Variants in UMAD1 observed in about 807,000 individuals in gnomAD.
UMAD1 encodes the protein UBAP1-MVB12-associated (UMA)-domain containing protein 1.
Under a neutral mutation model 6.1 loss-of-function variants are expected in UMAD1, and 8 were observed. The observed-to-expected ratio is 1.30, with a 90% confidence interval of 0.76 to 2.35. The LOEUF (loss-of-function observed/expected upper bound fraction) is 2.35, where lower values mean the gene tolerates loss of function less well. Among genes scored for constraint, UMAD1 ranks in the 30% most tolerant of loss-of-function variants. The probability of loss-of-function intolerance (pLI) is 0.00; values close to 1 mark genes in which losing one functional copy is unlikely to be tolerated. For synonymous variants in UMAD1, 56 were observed against 31.4 expected, an observed-to-expected ratio of 1.78 and a Z score of -2.61; for missense variants, 130 against 78.4, an observed-to-expected ratio of 1.66 and a Z score of -2.49.
intron 3 of UMAD1, among the ~76,000 whole-genome samples, chr7:7,863,472 A>G (rs1784151577): frequency 6.6e-6 from 1 of 152,208 alleles, no homozygotes; most frequent in South Asian, 2.1e-4. Context: ...GTTGTTTCGT[A>G]TAGTACTATG....
intron 2 of UMAD1, among the ~76,000 whole-genome samples, chr7:7,695,212 A>G (rs772672007): frequency 1.3e-5 from 2 of 152,160 alleles, no homozygotes; most frequent in Non-Finnish European, 2.9e-5. Context: ...GTTTCCAAGT[A>G]GAGAAAATCA....
chr7:7,783,438 G>A lies in UMAD1; in HGVS notation c.83-18232G>A, dbSNP rs1022142966. Among the ~76,000 whole-genome samples, 5 of 151,580 alleles carry A rather than the reference G, an allele frequency of 3.3e-5. 1 individual carries two copies. The South Asian group carries it at 8.3e-4, about 25-fold the overall frequency. ...TAAAAGAGAAATTCAGATGCTGCAC[G>A]GTTTGTGTCTTTGGGTGTTTGCTGA... On this transcript the variant is annotated intron_variant, in intron 2 of 3. Transcript: ENST00000682710.
At chr7:7,764,420 GCAATATGAAGTTATA>G (rs1485375502) in intron 2 of UMAD1, among the ~76,000 whole-genome samples, 1 of 152,146 alleles carries the variant, frequency 6.6e-6, no homozygotes, top group Non-Finnish European at 1.5e-5. Context: ...AAGTAGTAAG[GCAATATGAAGTTATA>G]CAGTGGATAT....
intron 2 of UMAD1, among the ~76,000 whole-genome samples, chr7:7,786,273 A>T (rs1782459203): frequency 6.6e-6 from 1 of 152,190 alleles, no homozygotes; most frequent in Admixed American, 6.5e-5. Context: ...CAATATCTAG[A>T]CATTTTTGAA....
At chr7:7,686,309 A>G (rs1489554790) in intron 2 of UMAD1, among the ~76,000 whole-genome samples, 3 of 152,166 alleles carry the variant, frequency 2.0e-5, no homozygotes, top group Admixed American at 6.5e-5. Flanking sequence ...GTCCAGAAAC[A>G]TGGTTTGTGG....
chr7:7,679,870 A>C (rs1264338098), intron 2 of UMAD1, among the ~76,000 whole-genome samples: 1 of 151,396 alleles, frequency 6.6e-6, no homozygotes, highest in Non-Finnish European at 1.5e-5. Flanking sequence ...TGGCCTGCCC[A>C]TTTTAAAATT....
intron 1 of UMAD1, among the ~76,000 whole-genome samples, chr7:7,651,067 A>G (rs533260227): frequency 3.3e-5 from 5 of 152,344 alleles, no homozygotes; most frequent in African/African-American, 9.6e-5. Context: ...GCCCAAAGCA[A>G]TACCAGAGCA....
intron 3 of UMAD1, among the ~76,000 whole-genome samples, chr7:7,822,109 C>T (rs1035409466): frequency 6.6e-6 from 1 of 152,018 alleles, no homozygotes; most frequent in African/African-American, 2.4e-5. Flanking sequence ...TAATAATCAG[C>T]CTCTCTTTTC....
intron 2 of UMAD1, among the ~76,000 whole-genome samples, chr7:7,693,488 TTC>T (rs1204952412): frequency 6.6e-6 from 1 of 152,146 alleles, no homozygotes; most frequent in East Asian, 1.9e-4. Flanking sequence ...TTATTTGGGT[TTC>T]TCTCTCATGT....
At chr7:7,773,432 A>G (rs114315984) in intron 2 of UMAD1, among the ~76,000 whole-genome samples, 2,718 of 152,338 alleles carry the variant, frequency 0.018, 71 homozygotes, top group African/African-American at 0.061. Flanking sequence ...TTAGGCTGTC[A>G]ATTTACTTTG....
Position 7,739,290 on chromosome 7 carries a change from A to G in UMAD1, c.83-62380A>G, listed in dbSNP as rs370787046. ...AATCATGCAGTCAATAATATAGCTC[A>G]CTGTCATTACCTTGCCTGGTCCCTG... On this transcript the variant is annotated intron_variant, in intron 2 of 3. Transcript: ENST00000682710. Among the ~76,000 whole-genome samples, 8 of 152,300 alleles carry G rather than the reference A, an allele frequency of 5.3e-5. No individual in the cohort carries two copies. The East Asian group carries it at 1.3e-3, about 26-fold the overall frequency.
intron 3 of UMAD1, among the ~76,000 whole-genome samples, chr7:7,863,251 A>T (rs1784147850): frequency 6.6e-6 from 1 of 152,240 alleles, no homozygotes; most frequent in Admixed American, 6.5e-5. Context: ...CTAACCTCTG[A>T]GCCTCAGAAG....
intron 2 of UMAD1, among the ~76,000 whole-genome samples, chr7:7,695,577 G>T (rs1314133116): frequency 6.6e-6 from 1 of 151,966 alleles, no homozygotes; most frequent in African/African-American, 2.4e-5. Flanking sequence ...CATGTTCTTT[G>T]GCACTAGCAG....
intron 2 of UMAD1, among the ~76,000 whole-genome samples, chr7:7,767,274 T>C (rs1351034252): frequency 1.3e-5 from 2 of 152,032 alleles, no homozygotes; most frequent in East Asian, 1.9e-4. Context: ...AACAGGCACC[T>C]GCCACCACAC....
intron 3 of UMAD1, among the ~76,000 whole-genome samples, chr7:7,809,205 G>A (rs182310919): frequency 1.3e-5 from 2 of 151,924 alleles, no homozygotes; most frequent in East Asian, 3.9e-4. Context: ...AGGATTTAAG[G>A]GACTTTGTTT....
intron 2 of UMAD1, among the ~76,000 whole-genome samples, chr7:7,786,622 T>C (rs1305492300): frequency 6.6e-6 from 1 of 152,166 alleles, no homozygotes; most frequent in Non-Finnish European, 1.5e-5. Context: ...AACTGTAGTC[T>C]TTACTGTTAT....
At chr7:7,672,158 T>G (rs1381829324) in intron 1 of UMAD1, among the ~76,000 whole-genome samples, 1 of 152,196 alleles carries the variant, frequency 6.6e-6, no homozygotes, top group Non-Finnish European at 1.5e-5. Context: ...ATATGAAAAC[T>G]AAAACTTGGA....
intron 3 of UMAD1, among the ~76,000 whole-genome samples, chr7:7,836,773 T>C (rs1398869243): frequency 6.6e-6 from 1 of 151,826 alleles, no homozygotes; most frequent in Non-Finnish European, 1.5e-5. Flanking sequence ...TTTTATAGGC[T>C]AGAAAACAGA....
At chr7:7,692,221 GT>G in intron 2 of UMAD1, 1 of 152,504 alleles carries the variant, frequency 6.6e-6, no homozygotes, top group Non-Finnish European at 1.5e-5. Context: ...GGTGGTGGTG[GT>G]GGAGGGTGAT....
Sources: allele counts gnomAD v4.1 joint callset (sites outside exome capture counted in the v4.1 genomes callset), GRCh38; gene constraint gnomAD v4.1.1; transcripts MANE v1.5; gene names NCBI Gene and HGNC (gene_info 2026-07-23, HGNC 2026-07-21).